Variants in SYNPR observed in about 807,000 individuals in gnomAD.
SYNPR encodes synaptoporin.
Under a neutral mutation model 32.9 loss-of-function variants are expected in SYNPR, and 23 were observed. The ratio of observed to expected loss-of-function variants is 0.70; its 90% CI spans 0.50 to 0.99. The LOEUF is 0.99. Ranked by LOEUF, SYNPR falls within the 50% of genes least tolerant of loss-of-function variation. The pLI is 0.00. For missense variants in SYNPR, 318 were observed against 349.3 expected (o/e 0.91, Z 0.71); for synonymous variants, 146 against 135.9 (o/e 1.07, Z -0.52).
chr3:63,465,444 C>A (rs1700658919), intron 2 of SYNPR, among the ~76,000 whole-genome samples: 1 of 151,980 alleles, frequency 6.6e-6, no homozygotes, highest in South Asian at 2.1e-4. Flanking sequence ...AGCATGAAAA[C>A]TATATATATT....
At chr3:63,449,555 C>T (rs1487994988) in intron 2 of SYNPR, among the ~76,000 whole-genome samples, 2 of 152,188 alleles carry the variant, frequency 1.3e-5, no homozygotes, top group African/African-American at 2.4e-5. Context: ...TACCACCAGA[C>T]ATTGCCAAAT....
intron 2 of SYNPR, among the ~76,000 whole-genome samples, chr3:63,408,319 G>GAAAGAAAGAAAGAAAAA (rs1553876977): frequency 1.2e-4 from 2 of 16,814 alleles, no homozygotes; most frequent in African/African-American, 7.5e-4. Flanking sequence ...AAGGAAGGAA[G>GAAAGAAAGAAAGAAAAA]GAAAGAAAGA....
chr3:63,361,481 G>A (rs867879379), intron 2 of SYNPR, among the ~76,000 whole-genome samples: 9 of 151,742 alleles, frequency 5.9e-5, no homozygotes, highest in South Asian at 2.1e-4. Flanking sequence ...TCCTGTAGTC[G>A]CAGCTACTCA....
intron 2 of SYNPR, among the ~76,000 whole-genome samples, chr3:63,266,744 G>T (rs1428653113): frequency 2.7e-5 from 4 of 148,836 alleles, no homozygotes; most frequent in Non-Finnish European, 6.0e-5. Context: ...AAATAAAGTC[G>T]TGTTGTTGTA....
intron 3 of SYNPR, among the ~76,000 whole-genome samples, chr3:63,484,850 G>A (rs1028806767): frequency 2.6e-5 from 4 of 152,094 alleles, no homozygotes; most frequent in African/African-American, 7.2e-5. Context: ...TGAATACAAC[G>A]AAAATTTATC....
At chr3:63,408,305 AAGGAAGGAAGGAAG>A (rs1560221198) in intron 2 of SYNPR, among the ~76,000 whole-genome samples, 20 of 111,824 alleles carry the variant, frequency 1.8e-4, no homozygotes, top group African/African-American at 7.4e-4. Flanking sequence ...GGAAGGAAGG[AAGGAAGGAAGGAAG>A]GAAAGAAAGA....
chr3:63,246,914 A>G (rs891771062), intron 1 of SYNPR, among the ~76,000 whole-genome samples: 2 of 152,042 alleles, frequency 1.3e-5, no homozygotes, highest in African/African-American at 2.4e-5. Context: ...TCTTCCCAGC[A>G]TTATCGTAAA....
At chr3:63,448,548 A>G (rs918474620) in intron 2 of SYNPR, among the ~76,000 whole-genome samples, 1 of 152,216 alleles carries the variant, frequency 6.6e-6, no homozygotes, top group Non-Finnish European at 1.5e-5. Context: ...GAAAATGGAT[A>G]AGATTTTCCA....
intron 2 of SYNPR, among the ~76,000 whole-genome samples, chr3:63,288,626 T>C (rs9873263): frequency 0.46 from 70,021 of 152,050 alleles, 16,316 homozygotes; most frequent in Middle Eastern, 0.52. Context: ...AATGATAAGA[T>C]GATTTGTGAA....
rs573356426 is a variant in SYNPR, at chr3:63,406,287, T to C, written c.85-74545T>C. On this transcript the variant is annotated intron_variant, in intron 2 of 5. Transcript: ENST00000478300. ...TTTTCAGTGAGATTTATTCTTTTTG[T>C]TGTAGAAAAAAACATTGGCTTGGGG... 3.8e-4 allele frequency among the ~76,000 whole-genome samples: 58 copies of C among 152,004 alleles called. 3 individuals carry two copies. The South Asian group carries it at 0.011, about 29-fold the overall frequency.
chr3:63,416,055 A>G (rs986735014), intron 2 of SYNPR, among the ~76,000 whole-genome samples: 2 of 152,236 alleles, frequency 1.3e-5, no homozygotes, highest in African/African-American at 2.4e-5. Flanking sequence ...GCTGAAGCCA[A>G]TTGGTTGGAG....
intron 2 of SYNPR, among the ~76,000 whole-genome samples, chr3:63,263,721 G>A (rs1274947140): frequency 2.6e-5 from 4 of 152,208 alleles, no homozygotes. Context: ...TTCACCATGA[G>A]CATCTAGGAC....
intron 2 of SYNPR, among the ~76,000 whole-genome samples, chr3:63,477,133 C>A (rs189158212): frequency 1.3e-5 from 2 of 152,236 alleles, no homozygotes; most frequent in African/African-American, 4.8e-5. Context: ...GGGCGAGTAA[C>A]TGGGAGGGGA....
chr3:63,509,087 C>T (rs749231721), intron 3 of SYNPR, among the ~76,000 whole-genome samples: 20 of 151,508 alleles, frequency 1.3e-4, no homozygotes, highest in Non-Finnish European at 1.8e-4. Flanking sequence ...TTCCTTAATA[C>T]TCATGTACCT....
intron 3 of SYNPR, among the ~76,000 whole-genome samples, chr3:63,522,988 T>G (rs559742667): frequency 2.4e-4 from 36 of 152,066 alleles, no homozygotes; most frequent in African/African-American, 7.7e-4. Flanking sequence ...TGGGGGAGCA[T>G]GAGGAGGCTG....
intron 3 of SYNPR, among the ~76,000 whole-genome samples, chr3:63,537,810 C>T (rs564551613): frequency 1.4e-4 from 22 of 152,198 alleles, no homozygotes; most frequent in African/African-American, 5.3e-4. Context: ...TAAGTCAGTC[C>T]TCAAGCGACC....
intron 2 of SYNPR, among the ~76,000 whole-genome samples, chr3:63,262,708 G>T (rs1390314524): frequency 1.3e-5 from 2 of 152,248 alleles, no homozygotes; most frequent in Non-Finnish European, 2.9e-5. Flanking sequence ...CCAATGTATG[G>T]AGACAGTGGC....
intron 2 of SYNPR, chr3:63,329,985 C>T (rs1459576060): frequency 6.6e-6 from 1 of 151,846 alleles, no homozygotes. Flanking sequence ...ACCCCTTGTT[C>T]CCAGGGTCTG....
Position 63,479,993 on chromosome 3 carries a change from C to T in SYNPR, c.85-839C>T, listed in dbSNP as rs571487897. 7.2e-5 allele frequency among the ~76,000 whole-genome samples: 11 copies of T among 152,296 alleles called. 1 individual carries two copies. In the East Asian group the frequency reaches 1.7e-3, roughly 24 times the overall value. On this transcript the variant is annotated intron_variant, in intron 2 of 5. Transcript: ENST00000478300. ...GTGTTAGGTGCATTTGATCGACTTC[C>T]TTTAGAAATGACCAAGAAATTCTTT... is the stretch of plus-strand genomic sequence containing the variant.
Sources: gnomAD v4.1 joint callset for allele counts (sites outside exome capture counted in the v4.1 genomes callset) on GRCh38, gnomAD v4.1.1 for gene constraint, MANE v1.5 for transcripts, NCBI Gene and HGNC (gene_info 2026-07-23, HGNC 2026-07-21) for gene names.